The following PIEZO2 variants were observed in gnomAD, a reference collection of about 807,000 sequenced individuals.
PIEZO2 encodes piezo type mechanosensitive ion channel component 2.
A neutral mutation model predicts 337.3 loss-of-function variants in PIEZO2; 172 were observed. The ratio of observed to expected loss-of-function variants is 0.51; its 90% CI spans 0.45 to 0.58. PIEZO2 has a LOEUF of 0.58. Ranked by LOEUF, PIEZO2 falls within the 20% of genes least tolerant of loss-of-function variation. The pLI is 0.00. For missense variants in PIEZO2, 3,028 were observed against 3,391.3 expected, an observed-to-expected ratio of 0.89 and a Z score of 2.66; for synonymous variants, 1,251 against 1,228.5, an observed-to-expected ratio of 1.02 and a Z score of -0.38.
chr18:10,745,752 A>G (rs2037397645), intron 30 of PIEZO2, among the ~76,000 whole-genome samples: 1 of 151,112 alleles, frequency 6.6e-6, no homozygotes, highest in South Asian at 2.1e-4. Flanking sequence ...AGCAGCTGCA[A>G]CTCACCTCCT....
chr18:11,059,130 C>T (rs1381968377), intron 2 of PIEZO2, among the ~76,000 whole-genome samples: 3 of 152,154 alleles, frequency 2.0e-5, no homozygotes, highest in African/African-American at 4.8e-5. Context: ...GAATTTTCAA[C>T]CCAGAATTTC....
intron 2 of PIEZO2, among the ~76,000 whole-genome samples, chr18:11,006,561 C>G (rs1042281800): frequency 6.6e-6 from 1 of 152,228 alleles, no homozygotes; most frequent in East Asian, 1.9e-4. Flanking sequence ...CAAACTTTAC[C>G]TCGTATTGGT....
In PIEZO2 at chr18:10,707,971, G is replaced by T. The variant is rs191888120; in HGVS notation, c.5588+304C>A. ...AAGCTCTAAATTATGGAGGAAACAT[G>T]CTTATGTCTCTGAAAATGGAAAGTT... On this transcript the variant is annotated intron_variant, in intron 40 of 55. Coordinates refer to ENST00000674853, the MANE Select transcript of PIEZO2 (RefSeq NM_001378183.1). This position sits in a 1 kb window ranked among gnomAD's most constrained non-coding sequence, Gnocchi z 4.2. Among the ~76,000 whole-genome samples the T allele has an allele frequency of 6.6e-6, 1 of 152,152 alleles. No homozygotes were observed. Among genetic ancestry groups the T allele is most frequent in the Non-Finnish European group, 1.5e-5 (1 of 68,032 alleles).
chr18:10,887,786 C>A (rs2042649319), intron 4 of PIEZO2, among the ~76,000 whole-genome samples: 1 of 152,158 alleles, frequency 6.6e-6, no homozygotes, highest in Admixed American at 6.5e-5. Flanking sequence ...TGAGTACCGT[C>A]TTTCATTATG....
chr18:10,949,324 A>G (rs946043845), intron 3 of PIEZO2, among the ~76,000 whole-genome samples: 1 of 152,244 alleles, frequency 6.6e-6, no homozygotes, highest in Non-Finnish European at 1.5e-5. Context: ...TACAAAAACA[A>G]GAACAATCAA....
chr18:10,749,341 T>C (rs924149108), intron 29 of PIEZO2, among the ~76,000 whole-genome samples: 2 of 152,028 alleles, frequency 1.3e-5, no homozygotes, highest in Non-Finnish European at 2.9e-5. Context: ...GCAGCTACTG[T>C]GGTCCCAGCT....
chr18:10,805,883 T>C (rs2039986878), intron 8 of PIEZO2, among the ~76,000 whole-genome samples: 1 of 152,236 alleles, frequency 6.6e-6, no homozygotes. Flanking sequence ...CAGGTGGCGC[T>C]TCTGTCAGGG....
At chr18:10,925,069 T>C (rs540350577) in intron 3 of PIEZO2, among the ~76,000 whole-genome samples, 1 of 152,360 alleles carries the variant, frequency 6.6e-6, no homozygotes, top group South Asian at 2.1e-4. Flanking sequence ...TTATTTATTA[T>C]ATGGAGGGCC....
chr18:11,018,715 A>G (rs1429468977), intron 2 of PIEZO2, among the ~76,000 whole-genome samples: 2 of 152,114 alleles, frequency 1.3e-5, no homozygotes, highest in East Asian at 3.9e-4. Flanking sequence ...CATTATTGAG[A>G]CAAGGAACAG....
chr18:11,043,396 G>A (rs542899310), intron 2 of PIEZO2, among the ~76,000 whole-genome samples: 6 of 152,208 alleles, frequency 3.9e-5, no homozygotes, highest in Admixed American at 6.5e-5. Flanking sequence ...AATGTCCCAC[G>A]TATTAGTATG....
intron 1 of PIEZO2, among the ~76,000 whole-genome samples, chr18:11,098,175 A>C (rs973531921): frequency 6.6e-6 from 1 of 152,072 alleles, no homozygotes; most frequent in African/African-American, 2.4e-5. Context: ...CAGTAATGGA[A>C]TATTGTAAAG....
intron 2 of PIEZO2, among the ~76,000 whole-genome samples, chr18:11,039,748 G>GCACACA (rs72175382): frequency 0.2 from 28,255 of 140,406 alleles, 3,218 homozygotes; most frequent in Non-Finnish European, 0.28. Flanking sequence ...TTTTAAATAG[G>GCACACA]CACACACACA....
At chr18:10,774,453 T>G (rs2038716793) in intron 18 of PIEZO2, among the ~76,000 whole-genome samples, 1 of 62,064 alleles carries the variant, frequency 1.6e-5, no homozygotes, top group Non-Finnish European at 3.9e-5. Context: ...ATCTAAAGCA[T>G]GTGCCATGGA....
At chr18:11,043,764 G>A (rs1426328502) in intron 2 of PIEZO2, among the ~76,000 whole-genome samples, 2 of 151,976 alleles carry the variant, frequency 1.3e-5, no homozygotes, top group African/African-American at 2.4e-5. Flanking sequence ...CCGCCTCCCG[G>A]GTTCAAGCAA....
chr18:10,818,476 T>C (rs2040428953), intron 7 of PIEZO2, among the ~76,000 whole-genome samples: 1 of 152,216 alleles, frequency 6.6e-6, no homozygotes, highest in Admixed American at 6.5e-5. Flanking sequence ...CAAAATGATT[T>C]ACTCTAGATG....
At chr18:10,722,953 A>T (rs1239242769) in intron 36 of PIEZO2, among the ~76,000 whole-genome samples, 1 of 140,616 alleles carries the variant, frequency 7.1e-6, no homozygotes, top group Non-Finnish European at 1.5e-5. Flanking sequence ...TCCAGGATGC[A>T]GTGATTTTTT....
At chr18:10,964,566 C>CT (rs1210855103) in intron 3 of PIEZO2, among the ~76,000 whole-genome samples, 8 of 152,134 alleles carry the variant, frequency 5.3e-5, no homozygotes, top group African/African-American at 1.9e-4. Context: ...ATACGGTATA[C>CT]TTTTTTTCTC....
At chr18:10,879,391 C>CTTTTTTTT (rs11385433) in intron 4 of PIEZO2, among the ~76,000 whole-genome samples, 3 of 106,038 alleles carry the variant, frequency 2.8e-5, no homozygotes, top group African/African-American at 1.2e-4. Flanking sequence ...CCTTTCCAAT[C>CTTTTTTTT]TTTTTTTTTT....
At chr18:11,065,133 C>A (rs1025772464) in intron 2 of PIEZO2, among the ~76,000 whole-genome samples, 1 of 152,168 alleles carries the variant, frequency 6.6e-6, no homozygotes, top group African/African-American at 2.4e-5. Context: ...ATGATCATAA[C>A]ATGCCTTATG....
Sources: allele counts gnomAD v4.1 joint callset (sites outside exome capture counted in the v4.1 genomes callset), GRCh38; gene constraint gnomAD v4.1.1; non-coding constraint Gnocchi (gnomAD v3.1); transcripts MANE v1.5; gene names NCBI Gene and HGNC (gene_info 2026-07-23, HGNC 2026-07-21).